The following NRG3 variants were observed in gnomAD, a reference collection of about 807,000 sequenced individuals.
The protein encoded by NRG3 is pro-neuregulin-3, membrane-bound isoform.
In NRG3, 31 loss-of-function variants were observed where a neutral mutation model predicts 66.9. The ratio of observed to expected loss-of-function variants is 0.46; its 90% CI spans 0.35 to 0.63. The LOEUF is 0.63. NRG3 is among the 20% of genes least tolerant of loss of function. NRG3 has a pLI of 0.00. For synonymous variants in NRG3, 393 were observed against 359.4 expected (o/e 1.09, Z -1.06); for missense variants, 910 against 878.9 (o/e 1.04, Z -0.45).
rs1295928837 is a variant in NRG3, at chr10:81,935,580, C to T, written c.823+59417C>T. Among the ~76,000 whole-genome samples, 3 of 152,078 alleles carry T rather than the reference C, an allele frequency of 2.0e-5. No homozygotes were observed. In the East Asian group the frequency reaches 5.8e-4, roughly 29 times the overall value. ...GACCTATTTCAGGGAACAACAACAA[C>T]AACAACAACAAAGAAACTGTGGATA... On this transcript the variant is annotated intron_variant, in intron 1 of 8. Coordinates refer to ENST00000372141, the MANE Select transcript of NRG3 (RefSeq NM_001010848.4).
chr10:82,466,925 A>T (rs1190590397), intron 2 of NRG3, among the ~76,000 whole-genome samples: 2 of 152,092 alleles, frequency 1.3e-5, no homozygotes, highest in African/African-American at 4.8e-5. Flanking sequence ...AAAAAAAAAA[A>T]AAACAAAACA....
At chr10:82,626,100 A>C (rs949052514) in intron 2 of NRG3, among the ~76,000 whole-genome samples, 1 of 152,100 alleles carries the variant, frequency 6.6e-6, no homozygotes, top group African/African-American at 2.4e-5. Context: ...TGAGACTTAC[A>C]CTCAGGGACC....
intron 1 of NRG3, among the ~76,000 whole-genome samples, chr10:82,322,048 T>G (rs933615514): frequency 6.6e-6 from 1 of 152,230 alleles, no homozygotes; most frequent in Non-Finnish European, 1.5e-5. Flanking sequence ...TATGATATTT[T>G]ATTAGTATCT....
chr10:82,421,642 T>C (rs925116436), intron 2 of NRG3, among the ~76,000 whole-genome samples: 19 of 152,128 alleles, frequency 1.2e-4, no homozygotes, highest in Admixed American at 7.9e-4. Context: ...AGAGAAGTTT[T>C]ATCCTTGCAT....
At chr10:82,353,901 T>C (rs2083595345) in intron 1 of NRG3, among the ~76,000 whole-genome samples, 1 of 152,008 alleles carries the variant, frequency 6.6e-6, no homozygotes, top group Non-Finnish European at 1.5e-5. Context: ...GATTTTTCCC[T>C]CCTTTAATGA....
At chr10:82,316,454 G>A (rs1012239960) in intron 1 of NRG3, among the ~76,000 whole-genome samples, 4 of 152,116 alleles carry the variant, frequency 2.6e-5, no homozygotes, top group African/African-American at 9.7e-5. Context: ...AAAGAACACT[G>A]ACCTGGATTT....
chr10:82,786,006 G>A (rs1049112666), intron 3 of NRG3, among the ~76,000 whole-genome samples: 5 of 152,286 alleles, frequency 3.3e-5, no homozygotes, highest in African/African-American at 7.2e-5. Context: ...TGGATGTTGC[G>A]AAGAACCTGT....
intron 1 of NRG3, among the ~76,000 whole-genome samples, chr10:82,152,838 T>TTTTC (rs546619737): frequency 9.4e-5 from 14 of 148,400 alleles, no homozygotes; most frequent in Admixed American, 6.0e-4. Context: ...CTCTTTCTCT[T>TTTTC]TTTCTTTCTT....
intron 4 of NRG3, among the ~76,000 whole-genome samples, chr10:82,899,928 A>C (rs1375551981): frequency 6.6e-6 from 1 of 152,216 alleles, no homozygotes; most frequent in East Asian, 1.9e-4. Context: ...TTGCATTGCT[A>C]TAAAGAAACA....
intron 1 of NRG3, among the ~76,000 whole-genome samples, chr10:82,203,966 C>A (rs1488543894): frequency 3.9e-5 from 6 of 152,012 alleles, no homozygotes; most frequent in Admixed American, 1.3e-4. Flanking sequence ...ATTTAACTGA[C>A]CATCAGATTT....
intron 1 of NRG3, among the ~76,000 whole-genome samples, chr10:82,055,145 A>T (rs2063773885): frequency 6.6e-6 from 1 of 152,130 alleles, no homozygotes; most frequent in Non-Finnish European, 1.5e-5. Context: ...GACAGGTCAA[A>T]TAAAATGAAA....
chr10:82,032,389 G>A (rs991327726), intron 1 of NRG3, among the ~76,000 whole-genome samples: 2 of 83,818 alleles, frequency 2.4e-5, no homozygotes, highest in African/African-American at 4.0e-5. Flanking sequence ...CTTGGTTCCT[G>A]GTTTGTTGTT....
chr10:82,611,173 T>G (rs2048289663), intron 2 of NRG3, among the ~76,000 whole-genome samples: 1 of 152,128 alleles, frequency 6.6e-6, no homozygotes, highest in African/African-American at 2.4e-5. Context: ...ATTTGGTATC[T>G]TAAGTAGTTA....
intron 3 of NRG3, among the ~76,000 whole-genome samples, chr10:82,842,072 G>A (rs776960817): frequency 6.6e-5 from 10 of 152,048 alleles, no homozygotes; most frequent in African/African-American, 9.7e-5. Flanking sequence ...TCAACATGGC[G>A]AAACCCCATT....
chr10:82,437,330 C>T (rs1318369829), intron 2 of NRG3, among the ~76,000 whole-genome samples: 1 of 151,514 alleles, frequency 6.6e-6, no homozygotes, highest in Non-Finnish European at 1.5e-5. Context: ...GTCGATTTGG[C>T]TGTTGATACT....
intron 1 of NRG3, among the ~76,000 whole-genome samples, chr10:82,086,407 A>C (rs1237417878): frequency 1.3e-5 from 2 of 152,042 alleles, no homozygotes; most frequent in African/African-American, 4.8e-5. Flanking sequence ...ATTGCAGTTC[A>C]ATTTTTTTTT....
chr10:82,632,090 C>G (rs2049884187), intron 2 of NRG3, among the ~76,000 whole-genome samples: 1 of 152,076 alleles, frequency 6.6e-6, no homozygotes, highest in South Asian at 2.1e-4. Context: ...GCAACAAGAG[C>G]AAAACCCTGT....
intron 2 of NRG3, among the ~76,000 whole-genome samples, chr10:82,634,876 A>C (rs940694830): frequency 6.6e-6 from 1 of 152,202 alleles, no homozygotes; most frequent in African/African-American, 2.4e-5. Context: ...AGACAAGAGA[A>C]GCCATCAGGT....
At chr10:82,553,961 T>C (rs533973120) in intron 2 of NRG3, among the ~76,000 whole-genome samples, 2 of 152,272 alleles carry the variant, frequency 1.3e-5, no homozygotes, top group South Asian at 4.1e-4. Flanking sequence ...GTAGATTTAA[T>C]TGCCTCAAAT....
Sources: allele counts gnomAD v4.1 joint callset (sites outside exome capture counted in the v4.1 genomes callset), GRCh38; gene constraint gnomAD v4.1.1; transcripts MANE v1.5; gene names NCBI Gene and HGNC (gene_info 2026-07-23, HGNC 2026-07-21).